The following CDK5RAP2 variants were observed in gnomAD, a reference collection of about 807,000 sequenced individuals.
CDK5RAP2 encodes CDK5 regulatory subunit-associated protein 2.
In CDK5RAP2, 147 loss-of-function variants were observed where a neutral mutation model predicts 232.9. That is an observed-to-expected ratio of 0.63 (90% CI 0.55 to 0.72). The LOEUF (loss-of-function observed/expected upper bound fraction) is 0.72, where lower values mean the gene tolerates loss of function less well. Among genes scored for constraint, CDK5RAP2 ranks in the 30% least tolerant of loss-of-function variants. The pLI is 0.00. For missense variants in CDK5RAP2, 2,195 were observed against 2,231.5 expected, an observed-to-expected ratio of 0.98 and a Z score of 0.33; for synonymous variants, 833 against 833.7, an observed-to-expected ratio of 1.00 and a Z score of 0.01.
intron 34 of CDK5RAP2, among the ~76,000 whole-genome samples, 154 bp downstream of exon 34, chr9:120,402,652 C>T (rs533769349): frequency 6.6e-6 from 1 of 152,298 alleles, no homozygotes; most frequent in Non-Finnish European, 1.5e-5. Flanking sequence ...TAGTTCCCCA[C>T]ACTGGACCTG....
rs187918027 is a variant in CDK5RAP2, at chr9:120,487,734, G to A, written c.1483-297C>T. The stretch of plus-strand genomic sequence containing the variant: ...GTGACTACCTTCCAGTGGGTGTGGA[G>A]GACAAAGCCAGGCTCTGACCCAACA... On this transcript the variant is annotated intron_variant, in intron 13 of 37. Transcript: ENST00000349780. Among the ~76,000 whole-genome samples the A allele has an allele frequency of 5.9e-5, 9 of 152,322 alleles. No homozygotes were observed. The East Asian group carries it at 1.4e-3, about 23-fold the overall frequency.
chr9:120,436,091 G>A (rs1331253438), intron 25 of CDK5RAP2, among the ~76,000 whole-genome samples: 4 of 152,158 alleles, frequency 2.6e-5, no homozygotes, highest in Admixed American at 2.6e-4. Flanking sequence ...GGAGAAAACT[G>A]ACAGACATTA....
chr9:120,564,425 G>A (rs1353437399), intron 3 of CDK5RAP2, among the ~76,000 whole-genome samples: 3 of 151,364 alleles, frequency 2.0e-5, no homozygotes, highest in Admixed American at 6.6e-5. Flanking sequence ...GGGAGGCTGC[G>A]GCTGCAGTGA....
At chr9:120,518,225 G>A (rs924706850) in intron 12 of CDK5RAP2, among the ~76,000 whole-genome samples, 31 of 149,108 alleles carry the variant, frequency 2.1e-4, no homozygotes, top group African/African-American at 6.6e-4. Context: ...GAGAGAGAGA[G>A]AGAGAGAGAG....
chr9:120,433,641 A>G (rs1402475214), intron 25 of CDK5RAP2, among the ~76,000 whole-genome samples: 1 of 152,244 alleles, frequency 6.6e-6, no homozygotes, highest in Admixed American at 6.5e-5. Flanking sequence ...GCCTCAGTTC[A>G]TCATCTATAA....
intron 7 of CDK5RAP2, among the ~76,000 whole-genome samples, chr9:120,530,531 T>A (rs1008751692): frequency 2.0e-5 from 3 of 152,020 alleles, no homozygotes; most frequent in Admixed American, 6.6e-5. Flanking sequence ...CCGATAAGTG[T>A]GGAAAAAACG....
intron 12 of CDK5RAP2, among the ~76,000 whole-genome samples, chr9:120,508,810 G>A (rs750738131): frequency 3.3e-5 from 5 of 152,134 alleles, no homozygotes; most frequent in Middle Eastern, 3.2e-3. Context: ...CAAAGCATTC[G>A]GTCCATTCCA....
chr9:120,454,680 C>T (rs990663010), intron 20 of CDK5RAP2, among the ~76,000 whole-genome samples: 2 of 152,192 alleles, frequency 1.3e-5, no homozygotes, highest in East Asian at 3.9e-4. Context: ...GCTCTGTGAG[C>T]AAGCCAGTAA....
In CDK5RAP2 at chr9:120,467,873, G is replaced by A; in HGVS notation, c.2093C>T (p.Thr698Ile). 1 of 1,614,108 alleles carries A rather than the reference G, an allele frequency of 6.2e-7. No individual in the cohort carries two copies. The highest frequency in any genetic ancestry group is 8.5e-7 in the Non-Finnish European group (1 of 1,180,004). The part of the protein sequence containing the change: ...GNGFPDRLAS[T>I]EQTELLASKE... ...AATGTTTCTTACCTCTGTTTGTTCT[G>A]TAGACGCAAGTCTATCTGGAAACCC... The change falls in exon 18 of 38, where the codon ACA (threonine) becomes ATA (isoleucine). Residue 698 changes from threonine (T) to isoleucine (I), a missense_variant. Transcript: ENST00000349780.
At chr9:120,525,187 G>T in intron 10 of CDK5RAP2, 109 bp from the exon 11 acceptor site, 1 of 844,744 alleles carries the variant, frequency 1.2e-6, no homozygotes, top group Non-Finnish European at 2.0e-6. Flanking sequence ...CAAGGGCTTT[G>T]TAGTCAGAAG....
rs373113031 is a variant in CDK5RAP2 at position 120,437,356 on chromosome 9, G to A, written c.3894C>T (p.Phe1298=). 22 of 1,613,922 alleles carry A rather than the reference G, an allele frequency of 1.4e-5. No homozygotes were observed. The highest frequency in any genetic ancestry group is 1.7e-5 in the Non-Finnish European group (20 of 1,179,994). ...SDVDYCVAEG[F]QEQLNQCAEL... ...CAGCACATTGATTCAGCTGTTCCTG[G>A]AAACCCTCGGCCACACAGTAATCCA... Residue 1298 remains phenylalanine, a synonymous_variant, in exon 25 of 38, where the codon TTC becomes TTT. Transcript: ENST00000349780.
At chr9:120,461,131 C>G (rs778993605) in intron 18 of CDK5RAP2, among the ~76,000 whole-genome samples, 13 of 152,250 alleles carry the variant, frequency 8.5e-5, no homozygotes, top group Non-Finnish European at 1.9e-4. Context: ...TTATGCATCA[C>G]TTCTATTTAG....
chr9:120,572,101 G>T, intron 1 of CDK5RAP2, 60 bp from the exon 2 acceptor site: 1 of 1,241,526 alleles, frequency 8.1e-7, no homozygotes, highest in Non-Finnish European at 1.2e-6. Flanking sequence ...AGACTGTTAA[G>T]ACGGTCTGGA....
At chr9:120,503,476 G>A (rs2039670728) in intron 12 of CDK5RAP2, among the ~76,000 whole-genome samples, 1 of 152,114 alleles carries the variant, frequency 6.6e-6, no homozygotes, top group African/African-American at 2.4e-5. Flanking sequence ...CATGGAGATG[G>A]CATGTCTTGC....
At chr9:120,420,087 C>A (rs943350766) in intron 26 of CDK5RAP2, 127 bp from the exon 27 acceptor site, 6 of 750,722 alleles carry the variant, frequency 8.0e-6, no homozygotes, top group Admixed American at 5.9e-5. Flanking sequence ...TTCAGTCAGA[C>A]CTTTTATTTC....
intron 10 of CDK5RAP2, among the ~76,000 whole-genome samples, chr9:120,526,160 C>G: frequency 6.6e-6 from 1 of 152,206 alleles, no homozygotes; most frequent in East Asian, 1.9e-4. Context: ...AGACTCTTAA[C>G]TCACACCTAT....
chr9:120,484,317 TACG>T (rs998092098), intron 14 of CDK5RAP2, among the ~76,000 whole-genome samples: 2 of 152,074 alleles, frequency 1.3e-5, no homozygotes, highest in African/African-American at 4.8e-5. Context: ...GAGTCGGGGG[TACG>T]ACTGTAAGGC....
At chr9:120,532,613 A>C (rs1241889235) in intron 7 of CDK5RAP2, 1 of 152,504 alleles carries the variant, frequency 6.6e-6, no homozygotes, top group African/African-American at 2.4e-5. Flanking sequence ...GGGAGGGAAC[A>C]CGCTGATCCT....
In CDK5RAP2 at chr9:120,568,868, C is replaced by T. The variant is rs867451342; in HGVS notation, c.128-480G>A. ...ACTACTCAAATCCTCTGTTGTCACACAAAAACAGCCACAAACAATCCATAA... is the reference window on the plus strand; with the variant it reads ...ACTACTCAAATCCTCTGTTGTCACATAAAAACAGCCACAAACAATCCATAA... On this transcript the variant is annotated intron_variant, in intron 2 of 37. Transcript: ENST00000349780. Among the ~76,000 whole-genome samples the T allele has an allele frequency of 3.3e-5, 5 of 152,146 alleles. No homozygotes were observed. In the South Asian group the frequency reaches 6.2e-4, roughly 19 times the overall value.
Sources: gnomAD v4.1 joint callset for allele counts (sites outside exome capture counted in the v4.1 genomes callset) on GRCh38, gnomAD v4.1.1 for gene constraint, MANE v1.5 for transcripts, NCBI Gene and HGNC (gene_info 2026-07-23, HGNC 2026-07-21) for gene names.